Variants in ZNF622 observed in about 807,000 individuals in gnomAD.
ZNF622 encodes cytoplasmic 60S subunit biogenesis factor ZNF622.
ZNF622 carries 34 observed loss-of-function variants against 49.7 expected under a neutral mutation model. The observed-to-expected ratio is 0.68, with a 90% confidence interval of 0.52 to 0.91. The LOEUF is 0.91. ZNF622 is among the 40% of genes least tolerant of loss of function. The pLI is 0.00. For missense variants in ZNF622, 569 were observed against 616.4 expected (o/e 0.92, Z 0.81); for synonymous variants, 209 against 228.7 (o/e 0.91, Z 0.78).
chr5:16,458,208 C>T (rs189013137), intron 4 of ZNF622, among the ~76,000 whole-genome samples: 7 of 143,314 alleles, frequency 4.9e-5, no homozygotes, highest in Admixed American at 4.2e-4. Flanking sequence ...CTAGACAGGA[C>T]CAAAAAAGAT....
Position 16,465,693 on chromosome 5 carries a change from A to G in ZNF622, c.-28T>C. Reference sequence around the variant, plus strand: ...CCAGGCGAGAAATAAGAACCGACCAAGCCAAACACCTGGTGATCAGCGCCG... The same window carrying G: ...CCAGGCGAGAAATAAGAACCGACCAGGCCAAACACCTGGTGATCAGCGCCG... On this transcript the variant is annotated 5_prime_UTR_variant, in exon 1 of 6. Transcript: ENST00000308683. This position sits in a 1 kb window ranked among gnomAD's most constrained non-coding sequence, Gnocchi z 6.2. 6.5e-7 allele frequency: 1 copy of G among 1,537,848 alleles called. No individual in the cohort carries two copies. Among genetic ancestry groups the G allele is most frequent in the Non-Finnish European group, 8.7e-7 (1 of 1,144,080 alleles).
At chr5:16,454,728 T>G (rs1385232907) in intron 4 of ZNF622, among the ~76,000 whole-genome samples, 1 of 152,156 alleles carries the variant, frequency 6.6e-6, no homozygotes, top group Admixed American at 6.5e-5. Context: ...ACAGCCACGC[T>G]CAACTGTGTA....
chr5:16,451,875 G>A (rs899512813), intron 5 of ZNF622, 91 bp from the exon 6 acceptor site: 3 of 1,495,658 alleles, frequency 2.0e-6, no homozygotes, highest in Non-Finnish European at 1.8e-6. Context: ...CAAAAGGTTA[G>A]TTTGGGGTAA....
In ZNF622 at chr5:16,463,345, A is replaced by G. The variant is rs1738153371; in HGVS notation, c.887-75T>C. 6.5e-7 allele frequency: 1 copy of G among 1,527,670 alleles called. No individual in the cohort carries two copies. The highest frequency in any genetic ancestry group is 2.3e-5 in the East Asian group (1 of 44,258). The allele number at this position is 1,527,670 out of a possible 1,614,324, so 94.6% of individuals were successfully genotyped here. A position where few individuals can be genotyped will look rare whatever the true frequency, so the allele number is the denominator to read the frequency against. ...GATTAAATCTCACTATTTGTCACCAAAACTCAAAAATCATTCACAAAATAA... is the reference window on the plus strand; with the variant it reads ...GATTAAATCTCACTATTTGTCACCAGAACTCAAAAATCATTCACAAAATAA... On this transcript the variant is annotated intron_variant, in intron 2 of 5. Transcript: ENST00000308683. The surrounding 1 kb of genome is among the most constrained non-coding windows in gnomAD (Gnocchi z 4.2).
chr5:16,456,702 C>A (rs1738031434), intron 4 of ZNF622, among the ~76,000 whole-genome samples: 1 of 151,980 alleles, frequency 6.6e-6, no homozygotes, highest in African/African-American at 2.4e-5. Context: ...CCTGAGGGAC[C>A]AGAAGCGAGA....
chr5:16,463,189 G>C lies in ZNF622; in HGVS notation c.968C>G (p.Ala323Gly), dbSNP rs777477483. ...ACAGTGGCTTTTGTCATTCATATGT[G>C]CCTGTACAGCTTCTGTGGAGTAGAA... ...KSFYSTEAVQAHMNDKSHCKL... is the reference protein window; with the variant it reads ...KSFYSTEAVQGHMNDKSHCKL... The change falls in exon 3 of 6, where the codon GCA becomes GGA. Residue 323 changes from alanine (A) to glycine (G), a missense_variant. Physicochemically the swap from Ala to Gly is moderately conservative, Grantham distance 60. Coordinates refer to ENST00000308683, the MANE Select transcript of ZNF622 (RefSeq NM_033414.3). This position sits in a 1 kb window ranked among gnomAD's most constrained non-coding sequence, Gnocchi z 4.2. 6.2e-7 allele frequency: 1 copy of C among 1,614,012 alleles called. No individual in the cohort carries two copies. Among genetic ancestry groups the C allele is most frequent in the Non-Finnish European group, 8.5e-7 (1 of 1,180,002 alleles).
chr5:16,461,704 G>A (rs539073544), intron 3 of ZNF622, among the ~76,000 whole-genome samples: 1 of 152,342 alleles, frequency 6.6e-6, no homozygotes, highest in Admixed American at 6.5e-5. Context: ...ATGCATAGCA[G>A]GAGTTGATTT....
At chr5:16,462,679 G>A (rs780310143) in intron 3 of ZNF622, among the ~76,000 whole-genome samples, 4 of 152,104 alleles carry the variant, frequency 2.6e-5, no homozygotes, top group Non-Finnish European at 5.9e-5. Context: ...CTAGTTAGGG[G>A]TGAACCACCA....
chr5:16,465,376 TTC>T lies in ZNF622; in HGVS notation c.288_289del (p.Lys97GlyfsTer14). The T allele has an allele frequency of 6.2e-7, 1 of 1,614,190 alleles. No homozygotes were observed. Among genetic ancestry groups the T allele is most frequent in the Non-Finnish European group, 8.5e-7 (1 of 1,179,998 alleles). The stretch of plus-strand genomic sequence containing the variant: ...TTTCCGATTCACTGCCTGCACGGCC[TTC>T]TTCTCCAGCTCAACGTGACGCCGGG... On this transcript the variant is annotated frameshift_variant, in exon 1 of 6. Transcript: ENST00000308683. LOFTEE classifies it high-confidence loss of function. The surrounding 1 kb of genome is among the most constrained non-coding windows in gnomAD (Gnocchi z 6.2).
intron 5 of ZNF622, 45 bp from the exon 6 acceptor site, chr5:16,451,829 T>C: frequency 3.1e-6 from 5 of 1,587,476 alleles, no homozygotes; most frequent in Non-Finnish European, 4.3e-6. Context: ...GTTCTGTTAT[T>C]TGTGATCAGA....
rs1012053310 is a variant in ZNF622 at position 16,463,384 on chromosome 5, T to A, written c.886+98A>T. 1 of 1,502,046 alleles carries A rather than the reference T, an allele frequency of 6.7e-7. No individual in the cohort carries two copies. Among genetic ancestry groups the A allele is most frequent in the Non-Finnish European group, 9.0e-7 (1 of 1,113,362 alleles). The allele number at this position is 1,502,046 out of a possible 1,614,324, so 93.0% of individuals were successfully genotyped here. Reference sequence around the variant, plus strand: ...TTCACAAAATAACCAAGCAATTATATCAAAGATTGATGAAAAATGCAAAAC... The same window carrying A: ...TTCACAAAATAACCAAGCAATTATAACAAAGATTGATGAAAAATGCAAAAC... On this transcript the variant is annotated intron_variant, in intron 2 of 5. Transcript: ENST00000308683. This position sits in a 1 kb window ranked among gnomAD's most constrained non-coding sequence, Gnocchi z 4.2.
chr5:16,465,611 G>T lies in ZNF622; in HGVS notation c.55C>A (p.Gln19Lys), dbSNP rs1738208275. 1 of 1,601,698 alleles carries T rather than the reference G, an allele frequency of 6.2e-7. No individual in the cohort carries two copies. The highest frequency in any genetic ancestry group is 1.3e-5 in the African/African-American group (1 of 74,468). The change falls in exon 1 of 6, where the codon CAG becomes AAG. Residue 19 changes from glutamine (Q) to lysine (K), a missense_variant. Coordinates refer to ENST00000308683, the MANE Select transcript of ZNF622 (RefSeq NM_033414.3). The surrounding 1 kb of genome is among the most constrained non-coding windows in gnomAD (Gnocchi z 6.2). ...CRVAFRDADM[Q>K]RAHYKTDWHR... ...CAGTCCGTCTTATAGTGGGCCCGCT[G>T]CATGTCCGCGTCGCGGAACGCCACC...
At position 16,465,519 on chromosome 5, in the gene ZNF622, C is replaced by T; in HGVS notation, c.147G>A (p.Glu49=). 1 of 1,614,140 alleles carries T rather than the reference C, an allele frequency of 6.2e-7. No individual in the cohort carries two copies. Residue 49 remains glutamate (E), a synonymous_variant, in exon 1 of 6, where the codon GAG becomes GAA. Coordinates refer to ENST00000308683, the MANE Select transcript of ZNF622 (RefSeq NM_033414.3). The surrounding 1 kb of genome is among the most constrained non-coding windows in gnomAD (Gnocchi z 6.2). ...CGACGGCCCGCTGCGCCCGCACTCGCTCCTGGAAGCCCTCGGCGGTCACTG... is the reference window on the plus strand; with the variant it reads ...CGACGGCCCGCTGCGCCCGCACTCGTTCCTGGAAGCCCTCGGCGGTCACTG... ...MAPVTAEGFQ[E]RVRAQRAVAE... is the part of the protein sequence containing the mutation.
intron 3 of ZNF622, among the ~76,000 whole-genome samples, chr5:16,462,733 A>C (rs556912117): frequency 6.6e-6 from 1 of 152,328 alleles, no homozygotes; most frequent in Admixed American, 6.5e-5. Flanking sequence ...GGCCTGGTTT[A>C]GCAACTGTCT....
chr5:16,465,456 G>C lies in ZNF622; in HGVS notation c.210C>G (p.Thr70=). The C allele has an allele frequency of 1.9e-6, 3 of 1,614,236 alleles. No homozygotes were observed. Among genetic ancestry groups the C allele is most frequent in the Non-Finnish European group, 2.5e-6 (3 of 1,180,048 alleles). Residue 70 remains threonine, a synonymous_variant, in exon 1 of 6, where the codon ACC becomes ACG. Transcript: ENST00000308683. The surrounding 1 kb of genome is among the most constrained non-coding windows in gnomAD (Gnocchi z 6.2). The part of the protein sequence containing the change: ...EESKGSATYC[T]VCSKKFASFN... ...AAGAGGCAAACTTCTTACTGCAAACGGTGCAGTAGGTGGCCGAGCCCTTGC... is the reference window on the plus strand; with the variant it reads ...AAGAGGCAAACTTCTTACTGCAAACCGTGCAGTAGGTGGCCGAGCCCTTGC...
Position 16,465,680 on chromosome 5 carries a change from T to G in ZNF622, c.-15A>C, listed in dbSNP as rs140561539. ...TACGTCGCCATTGCCAGGCGAGAAA[T>G]AAGAACCGACCAAGCCAAACACCTG... On this transcript the variant is annotated 5_prime_UTR_variant, in exon 1 of 6. Transcript: ENST00000308683. This position sits in a 1 kb window ranked among gnomAD's most constrained non-coding sequence, Gnocchi z 6.2. 6.4e-7 allele frequency: 1 copy of G among 1,551,478 alleles called. No individual in the cohort carries two copies. Among genetic ancestry groups the G allele is most frequent in the Non-Finnish European group, 8.7e-7 (1 of 1,150,468 alleles).
chr5:16,465,155 G>T lies in ZNF622; in HGVS notation c.511C>A (p.Arg171=). 1 of 1,614,186 alleles carries T rather than the reference G, an allele frequency of 6.2e-7. No individual in the cohort carries two copies. Among genetic ancestry groups the T allele is most frequent in the Non-Finnish European group, 8.5e-7 (1 of 1,180,020 alleles). The change falls in exon 1 of 6, where the codon CGA becomes AGA. Residue 171 remains arginine (R), a synonymous_variant. Coordinates refer to ENST00000308683, the MANE Select transcript of ZNF622 (RefSeq NM_033414.3). This position sits in a 1 kb window ranked among gnomAD's most constrained non-coding sequence, Gnocchi z 6.2. ...VGTGGRGTHD[R]DPSEKPPRLQ... Reference sequence around the variant, plus strand: ...CGGGGTGGTTTCTCACTCGGGTCTCGGTCGTGGGTCCCACGGCCACCAGTA... The same window carrying T: ...CGGGGTGGTTTCTCACTCGGGTCTCTGTCGTGGGTCCCACGGCCACCAGTA...
At position 16,463,033 on chromosome 5, in the gene ZNF622, C is replaced by A. The variant is rs899005953; in HGVS notation, c.1049+75G>T. Reference sequence around the variant, plus strand: ...TATGTTGTACAGTGCCAAACATATCCAGCACTGGCACACCTAATAATCACT... The same window carrying A: ...TATGTTGTACAGTGCCAAACATATCAAGCACTGGCACACCTAATAATCACT... On this transcript the variant is annotated intron_variant, in intron 3 of 5. Transcript: ENST00000308683. The surrounding 1 kb of genome is among the most constrained non-coding windows in gnomAD (Gnocchi z 4.2). 3.8e-5 allele frequency: 56 copies of A among 1,475,516 alleles called. No homozygotes were observed. In the African/African-American group the frequency reaches 7.3e-4, roughly 19 times the overall value. 91.4% of individuals were successfully genotyped at this position (1,475,516 alleles called of 1,614,324 possible). A position where few individuals can be genotyped will look rare whatever the true frequency, so the allele number is the denominator to read the frequency against.
chr5:16,456,356 C>T (rs1298413762), intron 4 of ZNF622, among the ~76,000 whole-genome samples: 12 of 152,106 alleles, frequency 7.9e-5, no homozygotes, highest in Admixed American at 7.2e-4. Flanking sequence ...TGAAGAGCAA[C>T]GAAGGAAACC....
Sources: allele counts gnomAD v4.1 joint callset (sites outside exome capture counted in the v4.1 genomes callset), GRCh38; gene constraint gnomAD v4.1.1; non-coding constraint Gnocchi (gnomAD v3.1); transcripts MANE v1.5; gene names NCBI Gene and HGNC (gene_info 2026-07-23, HGNC 2026-07-21).